Variants in DIXDC1 observed in about 807,000 individuals in gnomAD.
DIXDC1 encodes DIX domain containing 1.
DIXDC1 carries 64 observed loss-of-function variants against 103.1 expected under a neutral mutation model. That is an observed-to-expected ratio of 0.62 (90% confidence interval 0.51 to 0.76). The LOEUF (loss-of-function observed/expected upper bound fraction) is 0.76, where lower values mean the gene tolerates loss of function less well. DIXDC1 is among the 30% of genes least tolerant of loss of function. The pLI is 0.00. For missense variants in DIXDC1, 759 were observed against 834.2 expected, an observed-to-expected ratio of 0.91 and a Z score of 1.11; for synonymous variants, 266 against 298.5, an observed-to-expected ratio of 0.89 and a Z score of 1.12.
At chr11:112,016,414 T>A (rs1334622002) in intron 17 of DIXDC1, among the ~76,000 whole-genome samples, 2 of 152,232 alleles carry the variant, frequency 1.3e-5, no homozygotes, top group Non-Finnish European at 2.9e-5. Flanking sequence ...TTCTCTGTCC[T>A]TTTTTGATCT....
chr11:111,939,149 T>C (rs1966329779), intron 1 of DIXDC1, among the ~76,000 whole-genome samples: 2 of 152,172 alleles, frequency 1.3e-5, no homozygotes, highest in Non-Finnish European at 2.9e-5. Context: ...ACAACAAAAC[T>C]CAGCTCTTGA....
chr11:112,018,336 T>C (rs1861660201), intron 19 of DIXDC1, among the ~76,000 whole-genome samples: 1 of 152,232 alleles, frequency 6.6e-6, no homozygotes, highest in South Asian at 2.1e-4. Context: ...AGTATTTTCT[T>C]AGCCTACGCG....
chr11:112,013,319 G>GTT, intron 17 of DIXDC1, among the ~76,000 whole-genome samples: 1 of 123,384 alleles, frequency 8.1e-6, no homozygotes, highest in Non-Finnish European at 1.6e-5. Context: ...CGGGTCGGGG[G>GTT]GTGGGGGTGG....
intron 1 of DIXDC1, among the ~76,000 whole-genome samples, chr11:111,949,773 C>T (rs1966716213): frequency 2.6e-5 from 4 of 152,310 alleles, no homozygotes; most frequent in African/African-American, 9.6e-5. Flanking sequence ...TGTCTTCTGA[C>T]CCTTCCTCCT....
Position 112,016,672 on chromosome 11 carries a change from A to C in DIXDC1, c.1757-19A>C. On this transcript the variant is annotated intron_variant, in intron 17 of 19. Transcript: ENST00000440460. ...TAGAGCAAATGAATGTTCTAACCAC[A>C]GTCTCTTTCTGATTGTAGAGTTGCC... 1 of 1,568,844 alleles carries C rather than the reference A, an allele frequency of 6.4e-7. No homozygotes were observed. The highest frequency in any genetic ancestry group is 8.6e-7 in the Non-Finnish European group (1 of 1,157,746).
chr11:111,999,813 T>C (rs1861011286), intron 17 of DIXDC1, among the ~76,000 whole-genome samples: 1 of 151,022 alleles, frequency 6.6e-6, no homozygotes, highest in Non-Finnish European at 1.5e-5. Flanking sequence ...TGCGGTGAGC[T>C]GCTCCAGCCT....
chr11:112,010,593 C>G (rs1861385229), intron 17 of DIXDC1, among the ~76,000 whole-genome samples: 1 of 152,182 alleles, frequency 6.6e-6, no homozygotes, highest in African/African-American at 2.4e-5. Flanking sequence ...GGTACTGGTA[C>G]TAAAACAGAT....
rs1555173682 is a variant in DIXDC1 at position 111,985,215 on chromosome 11, C to CTT, written c.919-17_919-16insTT. The CTT allele has an allele frequency of 6.2e-7, 1 of 1,604,136 alleles. No individual in the cohort carries two copies. The highest frequency in any genetic ancestry group is 1.1e-5 in the South Asian group (1 of 90,246). On this transcript the variant is annotated splice_polypyrimidine_tract_variant and intron_variant, in intron 7 of 19. Coordinates refer to ENST00000440460, the MANE Select transcript of DIXDC1 (RefSeq NM_001037954.4). ...TGAAGGAGAGTTAAGTTTCTTTCTGCCTTTGTGGTTATTCAGGCCTTACTG... is the reference window on the plus strand; with the variant it reads ...TGAAGGAGAGTTAAGTTTCTTTCTGCTTCTTTGTGGTTATTCAGGCCTTACTG...
intron 2 of DIXDC1, 26 bp downstream of exon 2, chr11:111,964,704 T>A (rs782293317): frequency 1.2e-5 from 18 of 1,561,686 alleles, no homozygotes; most frequent in Non-Finnish European, 1.5e-5. Flanking sequence ...ACTCTGATAC[T>A]AGAGTACATA....
chr11:112,003,324 A>G (rs1208721037), intron 17 of DIXDC1, among the ~76,000 whole-genome samples: 1 of 151,952 alleles, frequency 6.6e-6, no homozygotes, highest in East Asian at 1.9e-4. Flanking sequence ...GGCGGGTGGC[A>G]AGTACCTGTA....
intron 1 of DIXDC1, among the ~76,000 whole-genome samples, chr11:111,943,481 T>G (rs1257486366): frequency 6.7e-6 from 1 of 149,046 alleles, no homozygotes; most frequent in Middle Eastern, 3.6e-3. Context: ...GGAATTTTCT[T>G]TCTCTCTTTT....
intron 1 of DIXDC1, among the ~76,000 whole-genome samples, chr11:111,943,305 G>A (rs1219264227): frequency 4.0e-5 from 6 of 151,546 alleles, no homozygotes; most frequent in Admixed American, 2.6e-4. Context: ...TACCACACCC[G>A]GCTAATTTTT....
chr11:112,019,943 C>T lies in DIXDC1; in HGVS notation c.*907C>T, dbSNP rs1223943683. The T allele has an allele frequency of 6.6e-6, 1 of 152,128 alleles. No homozygotes were observed. The highest frequency in any genetic ancestry group is 2.4e-5 in the African/African-American group (1 of 41,412). The allele number at this position is 152,128 out of a possible 1,614,324, so 9.4% of individuals were successfully genotyped here. A position where few individuals can be genotyped will look rare whatever the true frequency, so the allele number is the denominator to read the frequency against. On this transcript the variant is annotated 3_prime_UTR_variant, in exon 20 of 20. Coordinates refer to ENST00000440460, the MANE Select transcript of DIXDC1 (RefSeq NM_001037954.4). ...GCATCTCCTTTGTAGTAAAAGGAGA[C>T]AGACCATTAATTTCAGCATTTCTTT...
chr11:111,952,201 T>C (rs782479076), intron 1 of DIXDC1, among the ~76,000 whole-genome samples: 3 of 152,174 alleles, frequency 2.0e-5, no homozygotes, highest in African/African-American at 4.8e-5. Flanking sequence ...CGGGTATGTC[T>C]TTATCAGCAG....
chr11:111,931,803 TCAG>T (rs1316449421), intron 2 of DIXDC1, among the ~76,000 whole-genome samples: 2 of 152,184 alleles, frequency 1.3e-5, no homozygotes, highest in African/African-American at 4.8e-5. Flanking sequence ...TTGATAGAAA[TCAG>T]GCTACCTGTT....
chr11:111,960,543 G>A (rs1405093985), intron 1 of DIXDC1, among the ~76,000 whole-genome samples: 4 of 150,278 alleles, frequency 2.7e-5, no homozygotes, highest in African/African-American at 4.9e-5. Flanking sequence ...GCAGTGAGCC[G>A]AGATCATGCC....
intron 1 of DIXDC1, among the ~76,000 whole-genome samples, chr11:111,957,455 T>C (rs587764903): frequency 6.6e-6 from 1 of 152,342 alleles, no homozygotes; most frequent in East Asian, 1.9e-4. Context: ...TAGAGAAATG[T>C]GGCAGATACT....
chr11:111,977,637 AG>A lies in DIXDC1; in HGVS notation c.656+2655del, dbSNP rs1860156868. On this transcript the variant is annotated intron_variant, in intron 5 of 19. Transcript: ENST00000440460. The surrounding 1 kb of genome is among the most constrained non-coding windows in gnomAD (Gnocchi z 6.1). ...CGCGAGCCGGGCCAGTAGCTTTGCT[AG>A]CTGGCCTTCCCGTGGAGGCGTTTTC... The A allele has an allele frequency of 2.0e-5, 31 of 1,543,574 alleles. No homozygotes were observed. Among genetic ancestry groups the A allele is most frequent in the Non-Finnish European group, 2.6e-5 (30 of 1,143,860 alleles).
intron 1 of DIXDC1, among the ~76,000 whole-genome samples, chr11:111,961,218 A>T (rs1555171058): frequency 6.6e-6 from 1 of 152,180 alleles, no homozygotes; most frequent in Non-Finnish European, 1.5e-5. Flanking sequence ...TACACAAGAG[A>T]TTCATGGATT....
Sources: gnomAD v4.1 joint callset for allele counts (sites outside exome capture counted in the v4.1 genomes callset) on GRCh38, gnomAD v4.1.1 for gene constraint, Gnocchi (gnomAD v3.1) non-coding constraint, MANE v1.5 for transcripts, NCBI Gene and HGNC (gene_info 2026-07-23, HGNC 2026-07-21) for gene names.